Variants in PTPRN2 observed in about 807,000 individuals in gnomAD.
The protein encoded by PTPRN2 is protein tyrosine phosphatase receptor type N2.
PTPRN2 carries 74 observed loss-of-function variants against 118.8 expected under a neutral mutation model. The ratio of observed to expected loss-of-function variants is 0.62; its 90% CI spans 0.52 to 0.76. PTPRN2 has a LOEUF of 0.76. Among genes scored for constraint, PTPRN2 ranks in the 30% least tolerant of loss-of-function variants. The pLI, the probability that PTPRN2 is intolerant of heterozygous loss-of-function variation, is 0.00. For missense variants in PTPRN2, 1,481 were observed against 1,394.4 expected (o/e 1.06, Z -0.99); for synonymous variants, 641 against 608.0 (o/e 1.05, Z -0.80).
chr7:157,758,003 C>T (rs1326980746), intron 12 of PTPRN2, among the ~76,000 whole-genome samples: 1 of 152,240 alleles, frequency 6.6e-6, no homozygotes, highest in Non-Finnish European at 1.5e-5. Flanking sequence ...AGCCCCAGGG[C>T]AAACGTGGTG....
intron 1 of PTPRN2, among the ~76,000 whole-genome samples, chr7:158,496,184 CCCCTGCAGTGTCCCCCTT>C (rs148473400): frequency 0.22 from 32,355 of 148,928 alleles, 3,773 homozygotes; most frequent in South Asian, 0.35. Context: ...CTGGGGACAA[CCCCTGCAGTGTCCCCCTT>C]CCCTGCAGCC....
At chr7:158,397,599 C>T (rs923749356) in intron 2 of PTPRN2, among the ~76,000 whole-genome samples, 2 of 152,106 alleles carry the variant, frequency 1.3e-5, no homozygotes, top group Admixed American at 6.5e-5. Flanking sequence ...AGCTGGGGGC[C>T]GAAATGTCAT....
At chr7:158,498,915 G>A (rs1822154847) in intron 1 of PTPRN2, among the ~76,000 whole-genome samples, 1 of 152,200 alleles carries the variant, frequency 6.6e-6, no homozygotes, top group Non-Finnish European at 1.5e-5. Context: ...GGATTGCTGA[G>A]ACATGGCACA....
chr7:158,587,020 C>T (rs1397304879), intron 1 of PTPRN2, among the ~76,000 whole-genome samples: 2 of 152,184 alleles, frequency 1.3e-5, no homozygotes, highest in East Asian at 1.9e-4. Context: ...CAGAGAGGCG[C>T]GCGACCCGTG....
chr7:158,245,154 G>A (rs551811885), intron 3 of PTPRN2, among the ~76,000 whole-genome samples: 2 of 151,872 alleles, frequency 1.3e-5, no homozygotes, highest in Non-Finnish European at 1.5e-5. Flanking sequence ...GCCAGAATCC[G>A]TGGCCATGCC....
chr7:158,138,660 A>G, intron 6 of PTPRN2, 145 bp from the exon 7 acceptor site: 1 of 678,908 alleles, frequency 1.5e-6, no homozygotes, highest in East Asian at 2.7e-5. Context: ...TGCTCAGAGA[A>G]GATTGGGATA....
chr7:158,341,976 C>A (rs1586391310), intron 2 of PTPRN2, among the ~76,000 whole-genome samples: 1 of 150,392 alleles, frequency 6.6e-6, no homozygotes, highest in Non-Finnish European at 1.5e-5. Flanking sequence ...CACTCACACC[C>A]ACACTCTCAC....
rs1427863378 is a variant in PTPRN2, at chr7:157,974,471, T to G, written c.1724-75734A>C. On this transcript the variant is annotated intron_variant, in intron 11 of 22. Coordinates refer to ENST00000389418, the MANE Select transcript of PTPRN2 (RefSeq NM_002847.5). The surrounding 1 kb of genome is among the most constrained non-coding windows in gnomAD (Gnocchi z 4.0). ...CCACTTCGAGAAGACAGAGACAGAG[T>G]GAAGCCTCAAGAACAGTGTTCACTG... Among the ~76,000 whole-genome samples, 1 of 151,952 alleles carries G rather than the reference T, an allele frequency of 6.6e-6. No individual in the cohort carries two copies. Among genetic ancestry groups the G allele is most frequent in the Non-Finnish European group, 1.5e-5 (1 of 67,978 alleles).
intron 11 of PTPRN2, among the ~76,000 whole-genome samples, chr7:157,910,696 G>A (rs969963865): frequency 7.2e-6 from 1 of 138,770 alleles, no homozygotes; most frequent in Middle Eastern, 3.4e-3. Context: ...GATGCCATGC[G>A]GCAGGGCACG....
intron 1 of PTPRN2, among the ~76,000 whole-genome samples, chr7:158,514,791 A>C (rs553216871): frequency 6.6e-6 from 1 of 152,312 alleles, no homozygotes; most frequent in African/African-American, 2.4e-5. Flanking sequence ...TGCCCCATCC[A>C]TTTGGTTAAC....
At chr7:158,174,380 CCAT>C (rs755781943) in intron 5 of PTPRN2, among the ~76,000 whole-genome samples, 6 of 151,890 alleles carry the variant, frequency 4.0e-5, no homozygotes, top group African/African-American at 9.7e-5. Flanking sequence ...AGCATCCCCA[CCAT>C]CATCATCTTC....
At chr7:157,714,432 G>T (rs531109958) in intron 12 of PTPRN2, among the ~76,000 whole-genome samples, 1 of 152,302 alleles carries the variant, frequency 6.6e-6, no homozygotes, top group Admixed American at 6.5e-5. Context: ...GCTCTGCTTG[G>T]CAGAATTGAG....
intron 3 of PTPRN2, among the ~76,000 whole-genome samples, chr7:158,247,273 G>A (rs1412594062): frequency 2.0e-5 from 3 of 152,234 alleles, no homozygotes; most frequent in African/African-American, 7.2e-5. Flanking sequence ...GAGGAAGGGG[G>A]CAGGCGCCAG....
chr7:158,424,476 C>T (rs572874207), intron 2 of PTPRN2, among the ~76,000 whole-genome samples: 3 of 152,282 alleles, frequency 2.0e-5, no homozygotes, highest in Admixed American at 2.0e-4. Context: ...CTGTGACCAC[C>T]GGAGATGAAT....
At chr7:158,070,396 CGTGGTGGTGGA>C (rs1811156495) in intron 11 of PTPRN2, among the ~76,000 whole-genome samples, 2 of 109,150 alleles carry the variant, frequency 1.8e-5, no homozygotes, top group Admixed American at 1.0e-4. Context: ...TGGAGGTGCT[CGTGGTGGTGGA>C]CGTGCTCGTG....
chr7:158,143,083 A>G (rs1225778624), intron 6 of PTPRN2, among the ~76,000 whole-genome samples: 1 of 151,906 alleles, frequency 6.6e-6, no homozygotes, highest in Non-Finnish European at 1.5e-5. Context: ...CCCACCACAG[A>G]TCTTTTTCTT....
intron 10 of PTPRN2, among the ~76,000 whole-genome samples, chr7:158,086,216 T>C (rs6945456): frequency 0.76 from 115,271 of 151,992 alleles, 46,732 homozygotes; most frequent in East Asian, 0.93. Flanking sequence ...CAGAATCCTC[T>C]GCTGAGGGGG....
In PTPRN2 at chr7:158,362,680, C is replaced by T. The variant is rs147860658; in HGVS notation, c.164-45748G>A. ...AGATAACTGGATGTGCGTATAAAACCGTAAGTCAGGTTTGTCCATCACAAC... is the reference window on the plus strand; with the variant it reads ...AGATAACTGGATGTGCGTATAAAACTGTAAGTCAGGTTTGTCCATCACAAC... On this transcript the variant is annotated intron_variant, in intron 2 of 22. Transcript: ENST00000389418. Among the ~76,000 whole-genome samples, 17 of 132,812 alleles carry T rather than the reference C, an allele frequency of 1.3e-4. No homozygotes were observed. In the East Asian group the frequency reaches 1.8e-3, roughly 14 times the overall value. The allele number at this position is 132,812 out of a possible 152,430, so 87.1% of individuals were successfully genotyped here.
chr7:157,623,794 T>C (rs1803405603), intron 14 of PTPRN2, among the ~76,000 whole-genome samples: 3 of 152,180 alleles, frequency 2.0e-5, no homozygotes, highest in Admixed American at 6.5e-5. Context: ...AGAGCTGACA[T>C]CTCTCTGCAC....
Sources: allele counts gnomAD v4.1 joint callset (sites outside exome capture counted in the v4.1 genomes callset), GRCh38; gene constraint gnomAD v4.1.1; non-coding constraint Gnocchi (gnomAD v3.1); transcripts MANE v1.5; gene names NCBI Gene and HGNC (gene_info 2026-07-23, HGNC 2026-07-21).